FGF14: variants seen among roughly 807,000 people sequenced by gnomAD.
The protein encoded by FGF14 is fibroblast growth factor homologous factor 4.
A neutral mutation model predicts 25.5 loss-of-function variants in FGF14; 5 were observed. The observed-to-expected ratio is 0.20, with a 90% CI of 0.10 to 0.41. The LOEUF (loss-of-function observed/expected upper bound fraction) is 0.41, where lower values mean the gene tolerates loss of function less well. Among genes scored for constraint, FGF14 ranks in the 10% least tolerant of loss-of-function variants. FGF14 has a pLI of 1.00. For missense variants in FGF14, 222 were observed against 320.1 expected, an observed-to-expected ratio of 0.69 and a Z score of 2.34; for synonymous variants, 138 against 118.3, an observed-to-expected ratio of 1.17 and a Z score of -1.08.
At chr13:101,777,717 C>A (rs930026483) in intron 3 of FGF14, among the ~76,000 whole-genome samples, 8 of 151,874 alleles carry the variant, frequency 5.3e-5, no homozygotes, top group African/African-American at 1.9e-4. Flanking sequence ...TCCTTTAAAC[C>A]CCAAAATGCC....
At chr13:101,908,016 T>C (rs769276972) in intron 1 of FGF14, among the ~76,000 whole-genome samples, 1 of 152,166 alleles carries the variant, frequency 6.6e-6, no homozygotes, top group Non-Finnish European at 1.5e-5. Context: ...TTATTTCTTA[T>C]TATTTCTACT....
At chr13:101,802,940 G>A (rs963279866) in intron 3 of FGF14, among the ~76,000 whole-genome samples, 3 of 152,046 alleles carry the variant, frequency 2.0e-5, no homozygotes, top group Admixed American at 2.0e-4. Context: ...TGGAGAAACT[G>A]GAGCTCAGTG....
At chr13:102,078,246 T>C (rs564135203) in intron 1 of FGF14, among the ~76,000 whole-genome samples, 21 of 152,290 alleles carry the variant, frequency 1.4e-4, no homozygotes, top group African/African-American at 4.8e-4. Context: ...GATAACTATG[T>C]ATTATATTCT....
At chr13:102,229,999 A>G (rs1456853294) in intron 1 of FGF14, among the ~76,000 whole-genome samples, 1 of 152,192 alleles carries the variant, frequency 6.6e-6, no homozygotes, top group East Asian at 1.9e-4. Context: ...GAATGTTTAC[A>G]TTCCTCCAAA....
chr13:102,268,956 T>C (rs2053123468), intron 1 of FGF14, among the ~76,000 whole-genome samples: 1 of 152,208 alleles, frequency 6.6e-6, no homozygotes, highest in Non-Finnish European at 1.5e-5. Flanking sequence ...GCTGGCAAAA[T>C]AATATTTAGC....
chr13:102,324,418 T>G (rs901595051), intron 1 of FGF14, among the ~76,000 whole-genome samples: 12 of 152,188 alleles, frequency 7.9e-5, no homozygotes, highest in African/African-American at 2.9e-4. Context: ...GGCATTTATT[T>G]TTACTCATTC....
At chr13:102,101,707 C>CT (rs111470313) in intron 1 of FGF14, among the ~76,000 whole-genome samples, 43 of 147,624 alleles carry the variant, frequency 2.9e-4, no homozygotes, top group Admixed American at 9.5e-4. Flanking sequence ...TTCCCCCCAA[C>CT]TTTTTTTTTT....
intron 1 of FGF14, among the ~76,000 whole-genome samples, chr13:102,243,252 GGTCTCTTT>G (rs1413941887): frequency 4.6e-5 from 7 of 152,042 alleles, no homozygotes; most frequent in African/African-American, 1.7e-4. Context: ...TTTAAGTGAC[GGTCTCTTT>G]GTCATAGCAG....
chr13:101,981,531 A>G (rs192693662), intron 1 of FGF14, among the ~76,000 whole-genome samples: 338 of 152,316 alleles, frequency 2.2e-3, no homozygotes, highest in African/African-American at 7.8e-3. Context: ...CAGACATGGA[A>G]AAGTTAGGTG....
intron 1 of FGF14, among the ~76,000 whole-genome samples, chr13:102,386,994 A>G (rs1379879234): frequency 6.6e-6 from 1 of 152,220 alleles, no homozygotes; most frequent in Non-Finnish European, 1.5e-5. Context: ...TACTACTGCT[A>G]TCACCACCTA....
intron 1 of FGF14, among the ~76,000 whole-genome samples, chr13:101,876,963 T>C (rs1172127923): frequency 3.9e-5 from 6 of 152,138 alleles, no homozygotes; most frequent in Non-Finnish European, 8.8e-5. Flanking sequence ...GTTAAAAACA[T>C]GAAAAAGAGA....
At chr13:102,196,487 G>A (rs1166414251) in intron 1 of FGF14, among the ~76,000 whole-genome samples, 1 of 152,110 alleles carries the variant, frequency 6.6e-6, no homozygotes, top group African/African-American at 2.4e-5. Context: ...AGTACTGAAG[G>A]ACATCTGATA....
At chr13:102,165,904 GTTTTC>G (rs1391927374) in intron 1 of FGF14, among the ~76,000 whole-genome samples, 1 of 151,552 alleles carries the variant, frequency 6.6e-6, no homozygotes, top group African/African-American at 2.4e-5. Context: ...TATAAGTATG[GTTTTC>G]TTTTCCTTTA....
intron 1 of FGF14, among the ~76,000 whole-genome samples, chr13:102,321,411 C>T (rs865826825): frequency 6.6e-6 from 1 of 152,002 alleles, no homozygotes; most frequent in African/African-American, 2.4e-5. Context: ...AAGTATTTAA[C>T]AATGCAACAT....
intron 1 of FGF14, among the ~76,000 whole-genome samples, chr13:102,143,295 A>G (rs1158506692): frequency 6.6e-6 from 1 of 152,158 alleles, no homozygotes; most frequent in Non-Finnish European, 1.5e-5. Context: ...GTGGGCCACA[A>G]ACTGCTTCCA....
intron 1 of FGF14, among the ~76,000 whole-genome samples, chr13:102,370,907 T>G (rs747344492): frequency 1.2e-4 from 18 of 150,106 alleles, no homozygotes; most frequent in Non-Finnish European, 2.4e-4. Context: ...CTATCCCTAT[T>G]TTTTATCCTC....
chr13:101,900,702 G>A (rs1282231583), intron 1 of FGF14, among the ~76,000 whole-genome samples: 2 of 152,124 alleles, frequency 1.3e-5, no homozygotes, highest in African/African-American at 2.4e-5. Flanking sequence ...CATGAGGAGC[G>A]TTTCTTGGGG....
intron 1 of FGF14, among the ~76,000 whole-genome samples, chr13:102,004,541 G>A (rs1055786282): frequency 6.6e-6 from 1 of 152,140 alleles, no homozygotes; most frequent in African/African-American, 2.4e-5. Flanking sequence ...ATAACAACAA[G>A]CCTCTCTCTA....
chr13:102,010,357 CACA>C (rs1167387733), intron 1 of FGF14, among the ~76,000 whole-genome samples: 3 of 152,184 alleles, frequency 2.0e-5, no homozygotes, highest in Non-Finnish European at 2.9e-5. Flanking sequence ...AAGCCTCGAG[CACA>C]ACATTAGCCT....
Sources: allele counts gnomAD v4.1 joint callset (sites outside exome capture counted in the v4.1 genomes callset), GRCh38; gene constraint gnomAD v4.1.1; transcripts MANE v1.5; gene names NCBI Gene and HGNC (gene_info 2026-07-23, HGNC 2026-07-21).